C1QTNF3: variants seen among roughly 807,000 people sequenced by gnomAD.
C1QTNF3 encodes the protein complement C1q tumor necrosis factor-related protein 3.
C1QTNF3 carries 26 observed loss-of-function variants against 32.6 expected under a neutral mutation model. The observed-to-expected ratio is 0.80, with a 90% CI of 0.58 to 1.11. The LOEUF is 1.11. C1QTNF3 is among the 50% of genes least tolerant of loss of function. The pLI, the probability that C1QTNF3 is intolerant of heterozygous loss-of-function variation, is 0.00. For synonymous variants in C1QTNF3, 155 were observed against 146.0 expected, an observed-to-expected ratio of 1.06 and a Z score of -0.44; for missense variants, 362 against 398.2, an observed-to-expected ratio of 0.91 and a Z score of 0.77.
At chr5:34,227,595 T>C in the C1QTNF3 span, among the ~76,000 whole-genome samples, 2 of 151,932 alleles carry the variant, frequency 1.3e-5, no homozygotes, top group African/African-American at 4.8e-5. Flanking sequence ...AAAATCTACA[T>C]ATGAGCGGAC....
At chr5:34,063,285 T>C in the C1QTNF3 span, among the ~76,000 whole-genome samples, 1 of 111,186 alleles carries the variant, frequency 9.0e-6, no homozygotes, top group Non-Finnish European at 1.9e-5. Flanking sequence ...TCTCTCTCTC[T>C]TCCCTCTCTC....
the C1QTNF3 span, among the ~76,000 whole-genome samples, chr5:34,049,277 T>C: frequency 6.6e-6 from 1 of 152,206 alleles, no homozygotes; most frequent in African/African-American, 2.4e-5. Context: ...CTCAGAAGCC[T>C]GAGTCTCAGC....
the C1QTNF3 span, among the ~76,000 whole-genome samples, chr5:34,100,875 T>C: frequency 6.6e-6 from 1 of 151,630 alleles, no homozygotes; most frequent in Non-Finnish European, 1.5e-5. Flanking sequence ...AGTATTCATT[T>C]TGAGCCTAAC....
chr5:34,082,555 G>A, the C1QTNF3 span, among the ~76,000 whole-genome samples: 4 of 151,626 alleles, frequency 2.6e-5, no homozygotes, highest in East Asian at 1.9e-4. Context: ...GGACAGCATC[G>A]TCTCTGACTA....
chr5:34,141,811 C>T, the C1QTNF3 span, among the ~76,000 whole-genome samples: 1 of 152,246 alleles, frequency 6.6e-6, no homozygotes, highest in African/African-American at 2.4e-5. Flanking sequence ...TGGGTGCTTT[C>T]TTGCATTTGA....
chr5:34,198,184 G>C, the C1QTNF3 span, among the ~76,000 whole-genome samples: 1 of 145,458 alleles, frequency 6.9e-6, no homozygotes, highest in Non-Finnish European at 1.5e-5. Flanking sequence ...AGACGTTGCA[G>C]TGAGCTGACA....
the C1QTNF3 span, among the ~76,000 whole-genome samples, chr5:34,235,903 A>G: frequency 6.6e-6 from 1 of 152,266 alleles, no homozygotes; most frequent in African/African-American, 2.4e-5. Context: ...TAAACAGAAC[A>G]GAAGTTTCAT....
the C1QTNF3 span, among the ~76,000 whole-genome samples, chr5:34,129,071 T>C: frequency 6.6e-6 from 1 of 152,126 alleles, no homozygotes; most frequent in Admixed American, 6.5e-5. Flanking sequence ...TTTTCTGTTC[T>C]TGTGATAGTG....
chr5:34,223,126 G>C, the C1QTNF3 span, among the ~76,000 whole-genome samples: 47 of 146,226 alleles, frequency 3.2e-4, no homozygotes, highest in South Asian at 8.2e-3. Flanking sequence ...CCATTAACTC[G>C]TCATTTAGCA....
At chr5:34,050,196 TCCAAGCTCAG>T in the C1QTNF3 span, among the ~76,000 whole-genome samples, 3 of 152,184 alleles carry the variant, frequency 2.0e-5, no homozygotes, top group Admixed American at 1.3e-4. Flanking sequence ...CCCCAGTTCC[TCCAAGCTCAG>T]CCTTCTTTAG....
the C1QTNF3 span, among the ~76,000 whole-genome samples, chr5:34,055,859 C>T: frequency 4.6e-5 from 7 of 152,348 alleles, no homozygotes; most frequent in African/African-American, 1.7e-4. Context: ...CATCTGTCTT[C>T]AGCTCTGAAA....
chr5:34,234,320 A>C, the C1QTNF3 span, among the ~76,000 whole-genome samples: 1 of 152,178 alleles, frequency 6.6e-6, no homozygotes, highest in Non-Finnish European at 1.5e-5. Context: ...ATTCAAGTTA[A>C]TGAAGGATCT....
At chr5:34,174,583 GTATTGTAACTCCCGCCATCACCA>G in the C1QTNF3 span, among the ~76,000 whole-genome samples, 2 of 151,922 alleles carry the variant, frequency 1.3e-5, no homozygotes, top group Non-Finnish European at 2.9e-5. Context: ...TATAAGTAAT[GTATTGTAACTCCCGCCATCACCA>G]TATCCTTCTC....
chr5:34,044,377 C>T (rs1369451560), upstream of C1QTNF3, among the ~76,000 whole-genome samples: 1 of 152,052 alleles, frequency 6.6e-6, no homozygotes, highest in African/African-American at 2.4e-5. Flanking sequence ...GACCCAGGAC[C>T]GTAAATAGCA....
the C1QTNF3 span, among the ~76,000 whole-genome samples, chr5:34,094,263 A>G: frequency 1.3e-5 from 2 of 152,128 alleles, no homozygotes; most frequent in East Asian, 3.9e-4. Flanking sequence ...AAACAACATA[A>G]GAGTGATTTC....
the C1QTNF3 span, among the ~76,000 whole-genome samples, chr5:34,178,148 G>C: frequency 6.7e-6 from 1 of 150,220 alleles, no homozygotes; most frequent in Admixed American, 6.7e-5. Context: ...GAGCATGGTG[G>C]TGCATGCCTG....
chr5:34,141,468 T>C, the C1QTNF3 span, among the ~76,000 whole-genome samples: 2 of 152,140 alleles, frequency 1.3e-5, no homozygotes, highest in African/African-American at 4.8e-5. Context: ...TTCATGCTTT[T>C]CCCATTGTTT....
chr5:34,176,468 TA>T, the C1QTNF3 span, among the ~76,000 whole-genome samples: 4 of 151,084 alleles, frequency 2.6e-5, no homozygotes, highest in Admixed American at 6.6e-5. Flanking sequence ...AAAGGAGGTT[TA>T]AAAAAAAACA....
At chr5:34,163,743 T>C in the C1QTNF3 span, among the ~76,000 whole-genome samples, 1 of 152,144 alleles carries the variant, frequency 6.6e-6, no homozygotes, top group Non-Finnish European at 1.5e-5. Context: ...ATTATATGCA[T>C]TCATTCTTAA....
Sources: allele counts gnomAD v4.1 joint callset (sites outside exome capture counted in the v4.1 genomes callset), GRCh38; gene constraint gnomAD v4.1.1; transcripts MANE v1.5; gene names NCBI Gene and HGNC (gene_info 2026-07-23, HGNC 2026-07-21).